Variants in MYO7B observed in about 807,000 individuals in gnomAD.
The protein encoded by MYO7B is unconventional myosin-VIIb.
MYO7B carries 212 observed loss-of-function variants against 259.7 expected under a neutral mutation model. The observed-to-expected ratio is 0.82, with a 90% CI of 0.73 to 0.91. The LOEUF (loss-of-function observed/expected upper bound fraction) is 0.91. Among genes scored for constraint, MYO7B ranks in the 40% least tolerant of loss-of-function variants. The probability of loss-of-function intolerance (pLI) is 0.00; values close to 1 mark genes in which losing one functional copy is unlikely to be tolerated. For synonymous variants in MYO7B, 1,197 were observed against 1,166.4 expected, an observed-to-expected ratio of 1.03 and a Z score of -0.54; for missense variants, 2,732 against 2,813.5, an observed-to-expected ratio of 0.97 and a Z score of 0.66.
chr2:127,635,271 T>G, intron 43 of MYO7B, 45 bp downstream of exon 43: 2 of 1,532,240 alleles, frequency 1.3e-6, no homozygotes, highest in Non-Finnish European at 1.8e-6. Context: ...CACCCCCATC[T>G]TCCCACACCT....
At chr2:127,605,590 T>C (rs1680130779) in intron 19 of MYO7B, among the ~76,000 whole-genome samples, 1 of 152,078 alleles carries the variant, frequency 6.6e-6, no homozygotes, top group African/African-American at 2.4e-5. Flanking sequence ...AGAGTGAAAC[T>C]CCATCTAAAA....
At chr2:127,561,165 C>G (rs1413890144) in intron 2 of MYO7B, among the ~76,000 whole-genome samples, 4 of 152,158 alleles carry the variant, frequency 2.6e-5, no homozygotes, top group African/African-American at 9.7e-5. Flanking sequence ...ATGCGACTAA[C>G]TGCAAGCAGA....
chr2:127,603,383 G>A (rs899546642), intron 19 of MYO7B, among the ~76,000 whole-genome samples: 3 of 152,150 alleles, frequency 2.0e-5, no homozygotes, highest in Middle Eastern at 3.2e-3. Flanking sequence ...ATTACCCTTT[G>A]ATCCATGGGC....
In MYO7B at chr2:127,615,257, C is replaced by T. The variant is rs1418583069; in HGVS notation, c.3398+2654C>T. Among the ~76,000 whole-genome samples, 3 of 152,102 alleles carry T rather than the reference C, an allele frequency of 2.0e-5. No homozygotes were observed. Among genetic ancestry groups the T allele is most frequent in the Non-Finnish European group, 4.4e-5 (3 of 68,030 alleles). On this transcript the variant is annotated intron_variant, in intron 26 of 47. Transcript: ENST00000409816. The surrounding 1 kb of genome is among the most constrained non-coding windows in gnomAD (Gnocchi z 4.4). Reference sequence around the variant, plus strand: ...TTGCCAGACAGAGGGAAAGGGTAGACGGGTCACCCGTGACAGACTGCCATG... The same window carrying T: ...TTGCCAGACAGAGGGAAAGGGTAGATGGGTCACCCGTGACAGACTGCCATG...
chr2:127,626,527 T>C (rs1036938458), intron 31 of MYO7B: 1 of 165,228 alleles, frequency 6.1e-6, no homozygotes, highest in African/African-American at 2.4e-5. Context: ...ATGCCTGTAA[T>C]CCCAGCAGTT....
At position 127,630,772 on chromosome 2, in the gene MYO7B, C is replaced by T. The variant is rs1053862697; in HGVS notation, c.4807-6C>T. On this transcript the variant is annotated splice_region_variant and splice_polypyrimidine_tract_variant and intron_variant, in intron 35 of 47. Coordinates refer to ENST00000409816, the MANE Select transcript of MYO7B (RefSeq NM_001393586.1). ...CTGGGCACCCACAGGCCTGTGCCCC[C>T]TTCAGAGCTTGCTTGCCATGTCACC... 1.2e-6 allele frequency: 2 copies of T among 1,612,700 alleles called. No homozygotes were observed. The highest frequency in any genetic ancestry group is 1.3e-5 in the African/African-American group (1 of 75,046).
chr2:127,608,923 G>A (rs1680268181), intron 22 of MYO7B, 45 bp downstream of exon 22: 1 of 1,579,410 alleles, frequency 6.3e-7, no homozygotes, highest in East Asian at 2.3e-5. Flanking sequence ...GTGGGGACAG[G>A]GAAGCCTGCC....
Position 127,628,045 on chromosome 2 carries a change from A to T in MYO7B, c.4461-327A>T. ...ACGCCGAGGTTAGGTGGCTCAGAGT[A>T]AGCACATGGCAGAGCCGGCAGCTCA... On this transcript the variant is annotated intron_variant, in intron 33 of 47. Transcript: ENST00000409816. The surrounding 1 kb of genome is among the most constrained non-coding windows in gnomAD (Gnocchi z 4.8). 1.9e-6 allele frequency: 1 copy of T among 535,290 alleles called. No homozygotes were observed. The highest frequency in any genetic ancestry group is 3.6e-6 in the Non-Finnish European group (1 of 278,494). 33.2% of individuals were successfully genotyped at this position (535,290 alleles called of 1,614,324 possible). A position where few individuals can be genotyped will look rare whatever the true frequency, so the allele number is the denominator to read the frequency against.
In MYO7B at chr2:127,607,186, C is replaced by T. The variant is rs1558830926; in HGVS notation, c.2425-20C>T. ...GAAGGCCTTCTTGCCCCTGATCTCA[C>T]CTCTCTCTTGCCTCCGCAGATCCTC... On this transcript the variant is annotated intron_variant, in intron 20 of 47. Coordinates refer to ENST00000409816, the MANE Select transcript of MYO7B (RefSeq NM_001393586.1). This position sits in a 1 kb window ranked among gnomAD's most constrained non-coding sequence, Gnocchi z 4.4. The T allele has an allele frequency of 4.5e-6, 7 of 1,539,784 alleles. No homozygotes were observed. The South Asian group carries it at 6.0e-5, about 13-fold the overall frequency.
chr2:127,609,437 ACAG>A lies in MYO7B; in HGVS notation c.2815-68_2815-66del. 7.0e-7 allele frequency: 1 copy of A among 1,430,816 alleles called. No individual in the cohort carries two copies. Among genetic ancestry groups the A allele is most frequent in the Non-Finnish European group, 9.6e-7 (1 of 1,037,516 alleles). The allele number at this position is 1,430,816 out of a possible 1,614,324, so 88.6% of individuals were successfully genotyped here. ...GCCCCCGTGCTGCCCGGCCTGCTGG[ACAG>A]TCAGCTGATGGGTTGGTTGTTACCT... is the stretch of plus-strand genomic sequence containing the variant. On this transcript the variant is annotated intron_variant, in intron 22 of 47. Coordinates refer to ENST00000409816, the MANE Select transcript of MYO7B (RefSeq NM_001393586.1). The surrounding 1 kb of genome is among the most constrained non-coding windows in gnomAD (Gnocchi z 6.9).
In MYO7B at chr2:127,615,383, G is replaced by T. The variant is rs1172996974; in HGVS notation, c.3398+2780G>T. Among the ~76,000 whole-genome samples, 1 of 152,186 alleles carries T rather than the reference G, an allele frequency of 6.6e-6. No homozygotes were observed. Among genetic ancestry groups the T allele is most frequent in the East Asian group, 1.9e-4 (1 of 5,196 alleles). On this transcript the variant is annotated intron_variant, in intron 26 of 47. Coordinates refer to ENST00000409816, the MANE Select transcript of MYO7B (RefSeq NM_001393586.1). The surrounding 1 kb of genome is among the most constrained non-coding windows in gnomAD (Gnocchi z 4.4). The stretch of plus-strand genomic sequence containing the variant: ...GGGGATGAACGTAGAAATGAAAACT[G>T]AAGACAAAAGAAACTTTTAAAGGAA...
chr2:127,623,767 A>G (rs1224791994), intron 29 of MYO7B, among the ~76,000 whole-genome samples: 1 of 152,146 alleles, frequency 6.6e-6, no homozygotes, highest in Non-Finnish European at 1.5e-5. Flanking sequence ...CACCGCCCAC[A>G]TAGGCACCCC....
intron 26 of MYO7B, among the ~76,000 whole-genome samples, chr2:127,618,809 A>G (rs1341422494): frequency 6.6e-6 from 1 of 152,226 alleles, no homozygotes; most frequent in African/African-American, 2.4e-5. Context: ...TTTGACTTCC[A>G]GAAAGACCTC....
chr2:127,631,627 C>A lies in MYO7B; in HGVS notation c.5123C>A (p.Pro1708His). The A allele has an allele frequency of 1.2e-6, 2 of 1,613,184 alleles. No homozygotes were observed. The highest frequency in any genetic ancestry group is 1.7e-6 in the Non-Finnish European group (2 of 1,179,844). The change falls in exon 38 of 48, where the codon CCT (proline) becomes CAT (histidine). Residue 1708 changes from proline to histidine, a missense_variant. Coordinates refer to ENST00000409816, the MANE Select transcript of MYO7B (RefSeq NM_001393586.1). ...VAILRYMGDY[P>H]SRQAWPTLEL... ...ATCCTCCGGTACATGGGCGACTACCCTTCTCGGCAGGCCTGGCCCACCCTG... is the reference window on the plus strand; with the variant it reads ...ATCCTCCGGTACATGGGCGACTACCATTCTCGGCAGGCCTGGCCCACCCTG...
intron 29 of MYO7B, 49 bp downstream of exon 29, chr2:127,623,424 G>A: frequency 1.3e-6 from 2 of 1,487,058 alleles, no homozygotes; most frequent in South Asian, 1.3e-5. Context: ...ATACACCCAG[G>A]GAGAGCACCC....
Position 127,584,406 on chromosome 2 carries a change from A to G in MYO7B, c.1554+74A>G. 6.7e-7 allele frequency: 1 copy of G among 1,498,594 alleles called. No individual in the cohort carries two copies. The highest frequency in any genetic ancestry group is 9.2e-7 in the Non-Finnish European group (1 of 1,087,962). 92.8% of individuals were successfully genotyped at this position (1,498,594 alleles called of 1,614,324 possible). On this transcript the variant is annotated intron_variant, in intron 13 of 47. Coordinates refer to ENST00000409816, the MANE Select transcript of MYO7B (RefSeq NM_001393586.1). The surrounding 1 kb of genome is among the most constrained non-coding windows in gnomAD (Gnocchi z 5.8). ...CTCCTCTTGGAGGCTGGGAAACTCCATTTGGGTGGGCCACTTGTTCTGAGA... is the reference window on the plus strand; with the variant it reads ...CTCCTCTTGGAGGCTGGGAAACTCCGTTTGGGTGGGCCACTTGTTCTGAGA...
At chr2:127,624,016 A>C in intron 29 of MYO7B, 77 bp from the exon 30 acceptor site, 1 of 1,346,344 alleles carries the variant, frequency 7.4e-7, no homozygotes, top group Non-Finnish European at 1.0e-6. Context: ...TTCTACGTGC[A>C]CACGCTGACG....
At chr2:127,635,563 C>T (rs1681752880) in intron 43 of MYO7B, 159 bp from the exon 44 acceptor site, 1 of 813,538 alleles carries the variant, frequency 1.2e-6, no homozygotes, top group East Asian at 2.7e-5. Flanking sequence ...CCTGCCCTGA[C>T]TCAGGGTCAT....
rs1300950432 is a variant in MYO7B, at chr2:127,576,886, C to T, written c.849+178C>T. 6.6e-6 allele frequency among the ~76,000 whole-genome samples: 1 copy of T among 152,244 alleles called. No individual in the cohort carries two copies. The highest frequency in any genetic ancestry group is 6.5e-5 in the Admixed American group (1 of 15,310). ...TCTCTGCTGGGAATCACCTTGCCCG[C>T]GTGCCTCCCGCTTCCCCGTCACATG... On this transcript the variant is annotated intron_variant, in intron 8 of 47. Coordinates refer to ENST00000409816, the MANE Select transcript of MYO7B (RefSeq NM_001393586.1). The surrounding 1 kb of genome is among the most constrained non-coding windows in gnomAD (Gnocchi z 4.9).
Sources: allele counts gnomAD v4.1 joint callset (sites outside exome capture counted in the v4.1 genomes callset), GRCh38; gene constraint gnomAD v4.1.1; non-coding constraint Gnocchi (gnomAD v3.1); transcripts MANE v1.5; gene names NCBI Gene and HGNC (gene_info 2026-07-23, HGNC 2026-07-21).